Variants in MAPKAPK3 observed in about 807,000 individuals in gnomAD.
MAPKAPK3 encodes MAP kinase-activated protein kinase 3.
MAPKAPK3 carries 35 observed loss-of-function variants against 49.2 expected under a neutral mutation model. The ratio of observed to expected loss-of-function variants is 0.71; its 90% confidence interval spans 0.54 to 0.94. MAPKAPK3 has a LOEUF of 0.94. Ranked by LOEUF, MAPKAPK3 falls within the 40% of genes least tolerant of loss-of-function variation. The pLI, the probability that MAPKAPK3 is intolerant of heterozygous loss-of-function variation, is 0.00. For synonymous variants in MAPKAPK3, 178 were observed against 188.7 expected (o/e 0.94, Z 0.46); for missense variants, 398 against 493.1 (o/e 0.81, Z 1.83).
upstream of MAPKAPK3, chr3:50,611,625 G>C: frequency 6.6e-7 from 1 of 1,520,040 alleles, no homozygotes; most frequent in Non-Finnish European, 8.8e-7. Flanking sequence ...AGAGAGCCGC[G>C]CTTACCCCTG....
intron 5 of MAPKAPK3, among the ~76,000 whole-genome samples, chr3:50,643,631 C>G (rs1377917942): frequency 6.6e-6 from 1 of 152,114 alleles, no homozygotes; most frequent in African/African-American, 2.4e-5. Flanking sequence ...AGAGAAAAGC[C>G]TTCTGCAGAG....
At chr3:50,619,525 T>C (rs1016059896) in intron 2 of MAPKAPK3, among the ~76,000 whole-genome samples, 4 of 152,138 alleles carry the variant, frequency 2.6e-5, no homozygotes, top group African/African-American at 9.7e-5. Flanking sequence ...GGTAAGAGGA[T>C]GAGGAATGAG....
upstream of MAPKAPK3, chr3:50,611,788 G>T: frequency 8.3e-7 from 1 of 1,201,954 alleles, no homozygotes; most frequent in Non-Finnish European, 1.1e-6. Context: ...AGGCAGTGGC[G>T]CGGACCGCCT....
intron 2 of MAPKAPK3, among the ~76,000 whole-genome samples, chr3:50,632,728 C>T (rs1366868870): frequency 6.6e-6 from 1 of 152,228 alleles, no homozygotes; most frequent in Non-Finnish European, 1.5e-5. Flanking sequence ...ACAGCCTGGC[C>T]GGGGCTGCAG....
In MAPKAPK3 at chr3:50,641,824, C is replaced by A. The variant is rs2033182791; in HGVS notation, c.424+53C>A. The A allele has an allele frequency of 2.7e-6, 4 of 1,479,156 alleles. No homozygotes were observed. The South Asian group carries it at 3.4e-5, about 13-fold the overall frequency. The allele number at this position is 1,479,156 out of a possible 1,614,324, so 91.6% of individuals were successfully genotyped here. Reference sequence around the variant, plus strand: ...AGGATTCAGGGTGAGAGGTATGGACCAGAGCGTTGTGTGTGATGCTAGGCA... The same window carrying A: ...AGGATTCAGGGTGAGAGGTATGGACAAGAGCGTTGTGTGTGATGCTAGGCA... On this transcript the variant is annotated intron_variant, in intron 4 of 10. Transcript: ENST00000621469.
upstream of MAPKAPK3, among the ~76,000 whole-genome samples, chr3:50,613,455 G>C (rs530049378): frequency 1.6e-4 from 24 of 152,310 alleles, no homozygotes; most frequent in Admixed American, 2.6e-4. Flanking sequence ...CTTGGAATGG[G>C]GGTAGGGGGG....
At position 50,623,810 on chromosome 3, in the gene MAPKAPK3, G is replaced by A. The variant is rs749757560; in HGVS notation, c.219+6026G>A. Among the ~76,000 whole-genome samples the A allele has an allele frequency of 6.0e-4, 92 of 152,232 alleles. 3 individuals are homozygous for A. Among genetic ancestry groups the A allele is most frequent in the Non-Finnish European group, 3.5e-4 (24 of 68,042 alleles). On this transcript the variant is annotated intron_variant, in intron 2 of 10. Coordinates refer to ENST00000621469, the MANE Select transcript of MAPKAPK3 (RefSeq NM_001243925.2). ...CATGCAAGTCTGTGGGGACACGGGAGGGTCTCTGAGACTTGGTCCTTGGAA... is the reference window on the plus strand; with the variant it reads ...CATGCAAGTCTGTGGGGACACGGGAAGGTCTCTGAGACTTGGTCCTTGGAA...
At chr3:50,646,996 A>T (rs772625493) in intron 9 of MAPKAPK3, 127 bp from the exon 10 acceptor site, 13 of 1,050,414 alleles carry the variant, frequency 1.2e-5, no homozygotes, top group Non-Finnish European at 1.8e-5. Flanking sequence ...TGCCCTAGTG[A>T]GGCTCCTTCC....
upstream of MAPKAPK3, chr3:50,611,545 C>G: frequency 6.6e-7 from 1 of 1,521,482 alleles, no homozygotes; most frequent in Non-Finnish European, 8.8e-7. Flanking sequence ...GTCAAGCCCT[C>G]CCAATGCCCG....
intron 2 of MAPKAPK3, among the ~76,000 whole-genome samples, chr3:50,628,142 C>T (rs2032807522): frequency 6.6e-6 from 1 of 152,202 alleles, no homozygotes; most frequent in African/African-American, 2.4e-5. Flanking sequence ...GAGAGACCAG[C>T]TGTCATTCTT....
Position 50,620,364 on chromosome 3 carries a change from G to A in MAPKAPK3, c.219+2580G>A, listed in dbSNP as rs917450227. ...CCAGCTCAGCCTAGGCAACAGTCGT[G>A]GGCTCTGTGTCTTTCTGCCTCCCTG... On this transcript the variant is annotated intron_variant, in intron 2 of 10. Coordinates refer to ENST00000621469, the MANE Select transcript of MAPKAPK3 (RefSeq NM_001243925.2). 8.5e-5 allele frequency among the ~76,000 whole-genome samples: 13 copies of A among 152,244 alleles called. No homozygotes were observed. In the South Asian group the frequency reaches 2.3e-3, roughly 27 times the overall value.
upstream of MAPKAPK3, among the ~76,000 whole-genome samples, chr3:50,613,295 A>C (rs2032383665): frequency 6.6e-6 from 1 of 152,226 alleles, no homozygotes; most frequent in Non-Finnish European, 1.5e-5. Flanking sequence ...GGGCAAAAGA[A>C]ACCTGAAAGC....
intron 2 of MAPKAPK3, 48 bp downstream of exon 2, chr3:50,617,832 C>A (rs375335790): frequency 2.0e-6 from 3 of 1,473,946 alleles, no homozygotes. Flanking sequence ...GGGTCCACAG[C>A]GGAAGCCTGT....
Position 50,640,419 on chromosome 3 carries a change from T to C in MAPKAPK3, c.273T>C (p.Ala91=). Reference sequence around the variant, plus strand: ...AGGAGGTAGACCATCACTGGCAGGCTTCTGGCGGCCCCCATATTGTCTGCA... The same window carrying C: ...AGGAGGTAGACCATCACTGGCAGGCCTCTGGCGGCCCCCATATTGTCTGCA... The part of the protein sequence containing the change: ...ARQEVDHHWQ[A]SGGPHIVCIL... Residue 91 remains alanine, a synonymous_variant, in exon 3 of 11, where the codon GCT becomes GCC. Transcript: ENST00000621469. 6.2e-7 allele frequency: 1 copy of C among 1,614,160 alleles called. No individual in the cohort carries two copies. Among genetic ancestry groups the C allele is most frequent in the African/African-American group, 1.3e-5 (1 of 75,038 alleles).
Position 50,640,406 on chromosome 3 carries a change from A to G in MAPKAPK3, c.260A>G (p.His87Arg), listed in dbSNP as rs748745169. ...DSPKARQEVD[H>R]HWQASGGPHI... ...CCCAAGGCCCGGCAGGAGGTAGACC[A>G]TCACTGGCAGGCTTCTGGCGGCCCC... The change falls in exon 3 of 11, where the codon CAT (histidine) becomes CGT (arginine). Residue 87 changes from histidine (H) to arginine (R), a missense_variant. Physicochemically the swap from His to Arg is conservative, Grantham distance 29. This residue lies in a region of MAPKAPK3 where 123 missense variants were observed against 117.7 expected (regional missense o/e 1.04). Coordinates refer to ENST00000621469, the MANE Select transcript of MAPKAPK3 (RefSeq NM_001243925.2). 5.0e-6 allele frequency: 8 copies of G among 1,614,006 alleles called. No individual in the cohort carries two copies. Among genetic ancestry groups the G allele is most frequent in the African/African-American group, 1.3e-5 (1 of 74,920 alleles).
chr3:50,625,755 C>T (rs139243296), intron 2 of MAPKAPK3, among the ~76,000 whole-genome samples: 3 of 152,310 alleles, frequency 2.0e-5, no homozygotes, highest in African/African-American at 7.2e-5. Context: ...CCCGCTCTCC[C>T]GGGCCTTGCC....
upstream of MAPKAPK3, chr3:50,612,356 G>A (rs1222361615): frequency 6.6e-6 from 1 of 152,166 alleles, no homozygotes; most frequent in Non-Finnish European, 1.5e-5. Flanking sequence ...CCCGTGTTGG[G>A]ACGGCCGCTC....
chr3:50,640,924 TA>T (rs1295561796), intron 3 of MAPKAPK3, among the ~76,000 whole-genome samples: 7 of 152,202 alleles, frequency 4.6e-5, no homozygotes, highest in Non-Finnish European at 1.0e-4. Context: ...GCTTGGGGCC[TA>T]GAACCAGGAG....
upstream of MAPKAPK3, among the ~76,000 whole-genome samples, chr3:50,615,496 G>A (rs181073720): frequency 4.5e-5 from 6 of 133,662 alleles, no homozygotes; most frequent in Admixed American, 1.5e-4. Context: ...AGGAGGCCAT[G>A]GTTTGAGGAT....
Sources: allele counts gnomAD v4.1 joint callset (sites outside exome capture counted in the v4.1 genomes callset), GRCh38; gene constraint gnomAD v4.1.1; regional missense constraint gnomAD v4.1.1; transcripts MANE v1.5; gene names NCBI Gene and HGNC (gene_info 2026-07-23, HGNC 2026-07-21).